BTBD8: variants seen among roughly 807,000 people sequenced by gnomAD.
The protein encoded by BTBD8 is BTB/POZ domain-containing protein 8.
BTBD8 carries 110 observed loss-of-function variants against 162.9 expected under a neutral mutation model. The observed-to-expected ratio is 0.68, with a 90% CI of 0.58 to 0.79. BTBD8 has a LOEUF of 0.79. BTBD8 is among the 30% of genes least tolerant of loss of function. The pLI, the probability that BTBD8 is intolerant of heterozygous loss-of-function variation, is 0.00. For missense variants in BTBD8, 1,905 were observed against 2,085.4 expected (o/e 0.91, Z 1.68); for synonymous variants, 667 against 716.1 (o/e 0.93, Z 1.10).
At chr1:92,128,637 C>T (rs1468419043) in intron 4 of BTBD8, among the ~76,000 whole-genome samples, 2 of 151,442 alleles carry the variant, frequency 1.3e-5, no homozygotes, top group African/African-American at 4.9e-5. Context: ...CCAGGCTGGT[C>T]TTGAACTCCC....
chr1:92,122,546 C>T (rs1049286861), intron 4 of BTBD8, among the ~76,000 whole-genome samples: 13 of 151,886 alleles, frequency 8.6e-5, no homozygotes, highest in Middle Eastern at 3.4e-3. Context: ...CGTGAGCCAC[C>T]GCGCCTGGTC....
chr1:92,182,265 CAG>C lies in BTBD8; in HGVS notation c.4585_4586del (p.Ser1529CysfsTer16), dbSNP rs1332517241. ...SSIDSSRKNK[Q>X]SVSATEKKNT... Reference sequence around the variant, plus strand: ...CATTGACTCTTCAAGAAAAAATAAACAGAGTGTTTCAGCCACAGAAAAAAAGA... The same window carrying C: ...CATTGACTCTTCAAGAAAAAATAAACAGTGTTTCAGCCACAGAAAAAAAGA... On this transcript the variant is annotated frameshift_variant, in exon 17 of 18. Transcript: ENST00000636805. LOFTEE classifies it high-confidence loss of function. The C allele has an allele frequency of 1.7e-5, 27 of 1,550,910 alleles. No individual in the cohort carries two copies. The highest frequency in any genetic ancestry group is 2.3e-5 in the Non-Finnish European group (26 of 1,146,760).
chr1:92,132,872 C>CAAAAG (rs1408972641), intron 5 of BTBD8, among the ~76,000 whole-genome samples: 3 of 152,080 alleles, frequency 2.0e-5, no homozygotes, highest in Admixed American at 6.6e-5. Context: ...CTTGATAAAG[C>CAAAAG]AAGGTTCTGT....
At chr1:92,179,466 C>T (rs923311651) in intron 16 of BTBD8, among the ~76,000 whole-genome samples, 6 of 151,974 alleles carry the variant, frequency 3.9e-5, no homozygotes, top group African/African-American at 7.3e-5. Context: ...AAAAGCAGTT[C>T]TTAAAATGCT....
intron 9 of BTBD8, among the ~76,000 whole-genome samples, chr1:92,154,655 A>G (rs938803734): frequency 7.2e-5 from 11 of 152,268 alleles, no homozygotes; most frequent in Non-Finnish European, 1.6e-4. Context: ...ATTAAATTGT[A>G]GGAGTTTCTT....
intron 4 of BTBD8, among the ~76,000 whole-genome samples, chr1:92,119,791 T>G (rs1341371606): frequency 6.6e-6 from 1 of 151,818 alleles, no homozygotes; most frequent in Non-Finnish European, 1.5e-5. Flanking sequence ...CGAATTTTTT[T>G]TGTATTTTTA....
At position 92,129,672 on chromosome 1, in the gene BTBD8, C is replaced by T. The variant is rs749595509; in HGVS notation, c.663-15C>T. On this transcript the variant is annotated splice_polypyrimidine_tract_variant and intron_variant, in intron 4 of 17. Coordinates refer to ENST00000636805, the MANE Select transcript of BTBD8 (RefSeq NM_001376131.1). ...GTAAATGTTTACCTGTGTTTCTCCCCCCTCTTCCCTTTAGGGCCATTTTGA... is the reference window on the plus strand; with the variant it reads ...GTAAATGTTTACCTGTGTTTCTCCCTCCTCTTCCCTTTAGGGCCATTTTGA... 1 of 1,597,856 alleles carries T rather than the reference C, an allele frequency of 6.3e-7. No homozygotes were observed. The highest frequency in any genetic ancestry group is 1.1e-5 in the South Asian group (1 of 90,760).
intron 2 of BTBD8, among the ~76,000 whole-genome samples, chr1:92,094,528 T>G (rs1400181453): frequency 6.6e-6 from 1 of 152,208 alleles, no homozygotes; most frequent in East Asian, 1.9e-4. Flanking sequence ...GGATAAAGAT[T>G]TTGAAATAGT....
chr1:92,084,541 G>A (rs1007029967), intron 1 of BTBD8, among the ~76,000 whole-genome samples: 2 of 152,142 alleles, frequency 1.3e-5, no homozygotes, highest in Non-Finnish European at 1.5e-5. Context: ...TAAAGGAAGG[G>A]GGTTAAGTGA....
At chr1:92,134,909 T>A (rs1207899340) in intron 5 of BTBD8, among the ~76,000 whole-genome samples, 1 of 150,890 alleles carries the variant, frequency 6.6e-6, no homozygotes, top group Non-Finnish European at 1.5e-5. Context: ...TTTTTTTTTT[T>A]AGACAGAATT....
At chr1:92,132,826 A>G (rs1649543806) in intron 5 of BTBD8, among the ~76,000 whole-genome samples, 1 of 152,124 alleles carries the variant, frequency 6.6e-6, no homozygotes, top group Non-Finnish European at 1.5e-5. Flanking sequence ...GAAAATGAAG[A>G]TACTTTTGTT....
At chr1:92,153,192 T>C (rs1650087503) in intron 9 of BTBD8, among the ~76,000 whole-genome samples, 1 of 152,102 alleles carries the variant, frequency 6.6e-6, no homozygotes, top group Non-Finnish European at 1.5e-5. Flanking sequence ...AAAAAATGAA[T>C]TTCATTTTAA....
chr1:92,183,872 G>A lies in BTBD8; in HGVS notation c.4921G>A (p.Asp1641Asn). The change falls in exon 18 of 18, where the codon GAT (aspartate) becomes AAT (asparagine). Residue 1641 changes from aspartate (D) to asparagine (N), a missense_variant. Coordinates refer to ENST00000636805, the MANE Select transcript of BTBD8 (RefSeq NM_001376131.1). The part of the protein sequence containing the change: ...ANIALSAGDI[D>N]DCDTLAQTRM... ...ATTATGAATTATTTCAGGAGACATA[G>A]ATGATTGTGACACACTGGCACAAAC... is the stretch of plus-strand genomic sequence containing the variant. The A allele has an allele frequency of 1.9e-6, 3 of 1,546,428 alleles. No homozygotes were observed. The highest frequency in any genetic ancestry group is 2.6e-6 in the Non-Finnish European group (3 of 1,144,820).
At chr1:92,129,131 T>C (rs183867031) in intron 4 of BTBD8, among the ~76,000 whole-genome samples, 2,493 of 152,144 alleles carry the variant, frequency 0.016, 40 homozygotes, top group Non-Finnish European at 0.023. Flanking sequence ...TAAATATCAA[T>C]TATGTTTTTA....
At chr1:92,098,231 A>G (rs1034015161) in intron 2 of BTBD8, among the ~76,000 whole-genome samples, 7 of 152,212 alleles carry the variant, frequency 4.6e-5, no homozygotes, top group African/African-American at 1.7e-4. Context: ...GGCCAAGTTT[A>G]TAAATAAATC....
chr1:92,163,545 A>G (rs2100662189), intron 9 of BTBD8, among the ~76,000 whole-genome samples: 1 of 151,568 alleles, frequency 6.6e-6, no homozygotes, highest in East Asian at 1.9e-4. Context: ...GGAGAGGAAG[A>G]CTTTTCCTAG....
chr1:92,150,414 G>A (rs1414151932), intron 9 of BTBD8, among the ~76,000 whole-genome samples: 1 of 152,126 alleles, frequency 6.6e-6, no homozygotes, highest in Non-Finnish European at 1.5e-5. Flanking sequence ...TGTTTGCAAA[G>A]CAAAAATTGT....
At position 92,184,090 on chromosome 1, in the gene BTBD8, T is replaced by C. The variant is rs1248876067; in HGVS notation, c.5139T>C (p.Asp1713=). ...TCTCTGAACAGGATTCAAACTTAGA[T>C]GTTACAAATTCCGTTCCTGAAGACT... ...QLLSEQDSNL[D]VTNSVPEDLS... is the part of the protein sequence containing the mutation. Residue 1713 remains aspartate, a synonymous_variant, in exon 18 of 18, where the codon GAT becomes GAC. Transcript: ENST00000636805. The C allele has an allele frequency of 6.4e-7, 1 of 1,551,694 alleles. No homozygotes were observed. Among genetic ancestry groups the C allele is most frequent in the Non-Finnish European group, 8.7e-7 (1 of 1,146,890 alleles).
chr1:92,164,089 C>G (rs1419180979), intron 9 of BTBD8, among the ~76,000 whole-genome samples: 1 of 152,174 alleles, frequency 6.6e-6, no homozygotes, highest in Non-Finnish European at 1.5e-5. Context: ...CTCAGGAAGT[C>G]ACTGGAAGAG....
Sources: allele counts gnomAD v4.1 joint callset (sites outside exome capture counted in the v4.1 genomes callset), GRCh38; gene constraint gnomAD v4.1.1; transcripts MANE v1.5; gene names NCBI Gene and HGNC (gene_info 2026-07-23, HGNC 2026-07-21).